The following CCDC141 variants were observed in gnomAD, a reference collection of about 807,000 sequenced individuals.
The protein encoded by CCDC141 is coiled-coil domain containing 141.
A neutral mutation model predicts 181.0 loss-of-function variants in CCDC141; 168 were observed. The observed-to-expected ratio is 0.93, with a 90% CI of 0.82 to 1.05. The LOEUF (loss-of-function observed/expected upper bound fraction) is 1.05, where lower values mean the gene tolerates loss of function less well. CCDC141 is among the 50% of genes least tolerant of loss of function. CCDC141 has a pLI of 0.00. For missense variants in CCDC141, 1,902 were observed against 1,788.5 expected, an observed-to-expected ratio of 1.06 and a Z score of -1.14; for synonymous variants, 666 against 642.3, an observed-to-expected ratio of 1.04 and a Z score of -0.56.
intron 22 of CCDC141, among the ~76,000 whole-genome samples, chr2:178,839,830 G>C (rs768953198): frequency 1.3e-5 from 2 of 152,118 alleles, no homozygotes; most frequent in South Asian, 4.2e-4. Context: ...TTTGGCTGTC[G>C]TGCCACAGCT....
intron 11 of CCDC141, among the ~76,000 whole-genome samples, chr2:178,881,915 T>TCACACACACA (rs55791403): frequency 1.1e-5 from 1 of 92,286 alleles, no homozygotes; most frequent in Non-Finnish European, 2.3e-5. Flanking sequence ...TCTCTCTCTC[T>TCACACACACA]CACACACACA....
At chr2:179,032,945 G>C (rs1471383106) in intron 2 of CCDC141, among the ~76,000 whole-genome samples, 2 of 149,684 alleles carry the variant, frequency 1.3e-5, no homozygotes, top group East Asian at 3.9e-4. Context: ...CATGCCACTT[G>C]AAATCTCTAG....
At chr2:178,878,478 A>AT (rs766496516) in intron 11 of CCDC141, among the ~76,000 whole-genome samples, 12,081 of 114,512 alleles carry the variant, frequency 0.11, 1,041 homozygotes, top group Admixed American at 0.17. Context: ...GGCCTGGCTA[A>AT]TTTTTTTTTT....
intron 11 of CCDC141, among the ~76,000 whole-genome samples, chr2:178,879,690 T>G (rs1388240687): frequency 9.9e-5 from 15 of 152,090 alleles, no homozygotes; most frequent in Non-Finnish European, 2.2e-4. Context: ...ATGGGCACAC[T>G]GAGGAGAGAC....
At chr2:179,036,576 G>A (rs1469619931) in intron 2 of CCDC141, among the ~76,000 whole-genome samples, 1 of 152,218 alleles carries the variant, frequency 6.6e-6, no homozygotes, top group African/African-American at 2.4e-5. Context: ...GCCAAGCGAG[G>A]CAGGGAAAGT....
chr2:178,855,278 G>T, intron 19 of CCDC141, 69 bp downstream of exon 19: 2 of 1,264,780 alleles, frequency 1.6e-6, no homozygotes, highest in Non-Finnish European at 1.1e-6. Context: ...ATGCAACATT[G>T]CTTTAAAGTT....
chr2:178,948,056 G>A lies in CCDC141; in HGVS notation c.781-3405C>T, dbSNP rs183680869. On this transcript the variant is annotated intron_variant, in intron 5 of 23. Transcript: ENST00000443758. ...CTACTAAAAAATACAAAAAATTAGC[G>A]GGGTGTGGTAGCACACACCTGTAGT... is the stretch of plus-strand genomic sequence containing the variant. Among the ~76,000 whole-genome samples the A allele has an allele frequency of 2.2e-3, 337 of 151,978 alleles. 2 individuals are homozygous for A. The highest frequency in any genetic ancestry group is 6.9e-3 in the African/African-American group (284 of 41,442).
At chr2:178,970,932 G>T (rs543757198) in intron 4 of CCDC141, among the ~76,000 whole-genome samples, 1 of 152,106 alleles carries the variant, frequency 6.6e-6, no homozygotes, top group South Asian at 2.1e-4. Flanking sequence ...GACAAAGGCC[G>T]GGCACAGTGG....
At chr2:178,898,670 G>A (rs1378599781) in intron 8 of CCDC141, among the ~76,000 whole-genome samples, 1 of 152,152 alleles carries the variant, frequency 6.6e-6, no homozygotes, top group South Asian at 2.1e-4. Flanking sequence ...AACTTCAAAT[G>A]TATTTGATTC....
intron 1 of CCDC141, among the ~76,000 whole-genome samples, chr2:179,049,537 C>G (rs1425745955): frequency 6.6e-6 from 1 of 151,854 alleles, no homozygotes; most frequent in African/African-American, 2.4e-5. Flanking sequence ...TTTTAAAGAC[C>G]AAATTGACAG....
intron 8 of CCDC141, among the ~76,000 whole-genome samples, chr2:178,893,939 T>C (rs1402549964): frequency 6.6e-6 from 1 of 152,080 alleles, no homozygotes. Flanking sequence ...CAGATGCATG[T>C]AGAGATGGCT....
At chr2:178,846,055 A>G (rs1337446847) in intron 21 of CCDC141, among the ~76,000 whole-genome samples, 2 of 152,166 alleles carry the variant, frequency 1.3e-5, no homozygotes, top group African/African-American at 4.8e-5. Flanking sequence ...ATCATTATGC[A>G]TGGCAGTGTA....
In CCDC141 at chr2:178,838,111, T is replaced by C. The variant is rs141410442; in HGVS notation, c.3475-367A>G. 2.0e-3 allele frequency among the ~76,000 whole-genome samples: 312 copies of C among 152,312 alleles called. 8 individuals carry two copies. The South Asian group carries it at 0.024, about 12-fold the overall frequency. ...GCAAAGTCAGCTTAGGTCTGGCTTG[T>C]CTACACACACATCTATAAACACACA... is the stretch of plus-strand genomic sequence containing the variant. On this transcript the variant is annotated intron_variant, in intron 22 of 23. Transcript: ENST00000443758.
intron 2 of CCDC141, among the ~76,000 whole-genome samples, chr2:179,014,653 C>A (rs756223642): frequency 6.6e-6 from 1 of 151,806 alleles, no homozygotes; most frequent in Non-Finnish European, 1.5e-5. Context: ...TCAAAATGGC[C>A]AAGAAACATG....
intron 3 of CCDC141, 36 bp downstream of exon 3, chr2:178,978,448 G>A (rs1691219032): frequency 6.1e-6 from 8 of 1,303,168 alleles, no homozygotes; most frequent in Non-Finnish European, 7.0e-6. Context: ...CATTTGCTCT[G>A]ATGTGGGGAA....
chr2:178,868,300 G>A (rs1051993866), intron 15 of CCDC141, 95 bp from the exon 16 acceptor site: 77 of 1,005,554 alleles, frequency 7.7e-5, no homozygotes, highest in Admixed American at 1.5e-4. Flanking sequence ...CTAGCTGGTC[G>A]AAATGCTGCC....
chr2:178,851,158 AT>A (rs1384586009), intron 20 of CCDC141, among the ~76,000 whole-genome samples: 2 of 150,306 alleles, frequency 1.3e-5, no homozygotes, highest in Non-Finnish European at 3.0e-5. Context: ...GTGAACCGAG[AT>A]CATGCCACTG....
rs770810508 is a variant in CCDC141, at chr2:178,978,662, C to T, written c.239G>A (p.Arg80Gln). The change falls in exon 3 of 24, where the codon CGG (arginine) becomes CAG (glutamine). Residue 80 changes from arginine to glutamine, a missense_variant. By Grantham distance (43) the Arg-to-Gln change is conservative. Coordinates refer to ENST00000443758, the MANE Select transcript of CCDC141 (RefSeq NM_173648.4). ...TGCTTCCTGCAAGAGTTCCCATACC[C>T]GATCTTCCAAAGCCTAAGTACAAAA... ...LLAKLKALED[R>Q]VWELLQEADK... The T allele has an allele frequency of 1.6e-5, 25 of 1,539,156 alleles. No individual in the cohort carries two copies. Among genetic ancestry groups the T allele is most frequent in the Admixed American group, 6.1e-5 (3 of 48,910 alleles).
At chr2:178,924,080 T>TC (rs1262364742) in intron 6 of CCDC141, among the ~76,000 whole-genome samples, 1 of 152,214 alleles carries the variant, frequency 6.6e-6, no homozygotes, top group Non-Finnish European at 1.5e-5. Flanking sequence ...CACAAAAACT[T>TC]CCCTGTGTAT....
Sources: gnomAD v4.1 joint callset for allele counts (sites outside exome capture counted in the v4.1 genomes callset) on GRCh38, gnomAD v4.1.1 for gene constraint, MANE v1.5 for transcripts, NCBI Gene and HGNC (gene_info 2026-07-23, HGNC 2026-07-21) for gene names.